Variants in CSMD1 observed in about 807,000 individuals in gnomAD.
The protein encoded by CSMD1 is CUB and Sushi multiple domains 1.
CSMD1 carries 213 observed loss-of-function variants against 417.5 expected under a neutral mutation model. The observed-to-expected ratio is 0.51, with a 90% CI of 0.46 to 0.57. CSMD1 has a LOEUF of 0.57. CSMD1 is among the 20% of genes least tolerant of loss of function. The pLI is 0.00. For synonymous variants in CSMD1, 2,862 were observed against 1,736.8 expected, an observed-to-expected ratio of 1.65 and a Z score of -16.11; for missense variants, 6,923 against 4,529.7, an observed-to-expected ratio of 1.53 and a Z score of -15.17.
At chr8:4,421,854 A>C (rs78773239) in intron 2 of CSMD1, among the ~76,000 whole-genome samples, 16,884 of 151,928 alleles carry the variant, frequency 0.11, 1,053 homozygotes, top group Non-Finnish European at 0.13. Context: ...TTGAAAGAAA[A>C]AAGAACAAAT....
At chr8:3,345,494 A>G (rs35402668) in intron 22 of CSMD1, among the ~76,000 whole-genome samples, 17,533 of 152,136 alleles carry the variant, frequency 0.12, 1,410 homozygotes, top group African/African-American at 0.23. Context: ...GATCACAAAT[A>G]AAAACCCAGA....
intron 3 of CSMD1, among the ~76,000 whole-genome samples, chr8:4,124,270 G>T (rs1353200256): frequency 6.6e-6 from 1 of 152,074 alleles, no homozygotes; most frequent in Non-Finnish European, 1.5e-5. Context: ...GCACTGACTG[G>T]CAAATTAATA....
At chr8:4,560,401 T>C (rs1798276586) in intron 2 of CSMD1, among the ~76,000 whole-genome samples, 1 of 152,230 alleles carries the variant, frequency 6.6e-6, no homozygotes, top group Admixed American at 6.5e-5. Flanking sequence ...TCCTTGCCTT[T>C]TCCTACACAA....
intron 5 of CSMD1, among the ~76,000 whole-genome samples, chr8:3,842,774 T>A (rs746238310): frequency 2.6e-5 from 4 of 152,182 alleles, no homozygotes. Flanking sequence ...AATATTTGAT[T>A]TCAAAACTGT....
intron 3 of CSMD1, among the ~76,000 whole-genome samples, chr8:4,412,483 C>A (rs1230723617): frequency 6.6e-6 from 1 of 152,176 alleles, no homozygotes; most frequent in East Asian, 1.9e-4. Flanking sequence ...ACCACGGTTC[C>A]TGTCCAGCCT....
chr8:3,479,619 T>C (rs1434465492), intron 11 of CSMD1, among the ~76,000 whole-genome samples: 1 of 152,196 alleles, frequency 6.6e-6, no homozygotes, highest in Non-Finnish European at 1.5e-5. Context: ...TTACTTTCAG[T>C]GGCAAAAAAC....
chr8:3,874,518 C>T (rs978284136), intron 5 of CSMD1, among the ~76,000 whole-genome samples: 1 of 152,136 alleles, frequency 6.6e-6, no homozygotes. Context: ...CACATGCTGT[C>T]GGCGTTCATT....
intron 16 of CSMD1, among the ~76,000 whole-genome samples, chr8:3,397,883 T>A (rs1811798295): frequency 6.6e-6 from 1 of 152,094 alleles, no homozygotes; most frequent in African/African-American, 2.4e-5. Context: ...GTGCGCACAA[T>A]CCCATCCTTT....
At chr8:3,949,992 A>T (rs970299161) in intron 5 of CSMD1, 1 of 455,956 alleles carries the variant, frequency 2.2e-6, no homozygotes, top group Non-Finnish European at 4.4e-6. Context: ...GCATGAAATT[A>T]CCCACTACAT....
intron 3 of CSMD1, among the ~76,000 whole-genome samples, chr8:4,076,426 G>T (rs979578088): frequency 3.3e-5 from 5 of 152,110 alleles, no homozygotes; most frequent in Non-Finnish European, 1.5e-5. Flanking sequence ...AATAAGCATA[G>T]ACTTTCTCTG....
At chr8:3,610,135 T>C (rs537270088) in intron 8 of CSMD1, among the ~76,000 whole-genome samples, 1 of 152,110 alleles carries the variant, frequency 6.6e-6, no homozygotes, top group South Asian at 2.1e-4. Context: ...CCATGTGTCA[T>C]TTCATCTAAG....
intron 37 of CSMD1, among the ~76,000 whole-genome samples, chr8:3,169,777 T>C (rs961100942): frequency 3.9e-5 from 6 of 152,188 alleles, no homozygotes; most frequent in African/African-American, 9.7e-5. Flanking sequence ...TCAAATAGCA[T>C]GCTCAGCTTC....
Position 3,096,877 on chromosome 8 carries a change from C to G in CSMD1, c.7110G>C (p.Lys2370Asn). ...TIFVDTFQSE[K>N]QFDALEVFDG... Reference sequence around the variant, plus strand: ...CAAACACTTCCAGTGCATCAAACTGCTTTTCACTTTGAAATGTGTCCACAA... The same window carrying G: ...CAAACACTTCCAGTGCATCAAACTGGTTTTCACTTTGAAATGTGTCCACAA... The change falls in exon 47 of 70, where the codon AAG (lysine) becomes AAC (asparagine). Residue 2370 changes from lysine (K) to asparagine (N), a missense_variant. Physicochemically the swap from Lys to Asn is moderately conservative, Grantham distance 94. Transcript: ENST00000635120. 2 of 1,556,276 alleles carry G rather than the reference C, an allele frequency of 1.3e-6. No homozygotes were observed. Among genetic ancestry groups the G allele is most frequent in the Non-Finnish European group, 1.7e-6 (2 of 1,148,752 alleles).
intron 5 of CSMD1, among the ~76,000 whole-genome samples, chr8:3,841,380 C>T (rs1006250752): frequency 1.3e-5 from 2 of 152,098 alleles, no homozygotes; most frequent in African/African-American, 4.8e-5. Context: ...TGGTTCTCAA[C>T]CTCAAGCAAT....
intron 50 of CSMD1, among the ~76,000 whole-genome samples, chr8:3,036,573 T>C (rs1810687065): frequency 6.6e-6 from 1 of 152,208 alleles, no homozygotes; most frequent in Non-Finnish European, 1.5e-5. Flanking sequence ...AAGTGTGCAG[T>C]CTAGCACTAA....
intron 2 of CSMD1, among the ~76,000 whole-genome samples, chr8:4,531,991 T>C (rs944018133): frequency 2.1e-5 from 3 of 142,542 alleles, no homozygotes; most frequent in Non-Finnish European, 3.0e-5. Context: ...GAAAGAGAAA[T>C]CCTGCACCCC....
chr8:3,754,432 C>CCTTA (rs1169610436), intron 5 of CSMD1, among the ~76,000 whole-genome samples: 3 of 106,596 alleles, frequency 2.8e-5, no homozygotes, highest in South Asian at 3.5e-4. Flanking sequence ...CTTAGTAATT[C>CCTTA]CTTATTTATT....
intron 5 of CSMD1, among the ~76,000 whole-genome samples, chr8:3,892,880 G>C (rs1465970869): frequency 1.3e-5 from 2 of 151,950 alleles, no homozygotes; most frequent in African/African-American, 2.4e-5. Context: ...GGTGAGTGGA[G>C]AGGATGGCAA....
chr8:3,064,396 T>C (rs1812784253), intron 49 of CSMD1, among the ~76,000 whole-genome samples: 1 of 152,126 alleles, frequency 6.6e-6, no homozygotes. Flanking sequence ...CCTGCTGCCA[T>C]GTGAAGAAGG....
Sources: allele counts gnomAD v4.1 joint callset (sites outside exome capture counted in the v4.1 genomes callset), GRCh38; gene constraint gnomAD v4.1.1; transcripts MANE v1.5; gene names NCBI Gene and HGNC (gene_info 2026-07-23, HGNC 2026-07-21).